The following RXFP2 variants were observed in gnomAD, a reference collection of about 807,000 sequenced individuals.
RXFP2 encodes the protein relaxin family peptide receptor 2, also known as relaxin receptor 2.
Under a neutral mutation model 88.6 loss-of-function variants are expected in RXFP2, and 68 were observed. That is an observed-to-expected ratio of 0.77 (90% CI 0.63 to 0.94). The LOEUF is 0.94. Ranked by LOEUF, RXFP2 falls within the 40% of genes least tolerant of loss-of-function variation. The pLI is 0.00. For synonymous variants in RXFP2, 329 were observed against 306.8 expected (o/e 1.07, Z -0.76); for missense variants, 791 against 893.9 (o/e 0.88, Z 1.47).
chr13:31,754,119 A>G (rs1460777361), intron 1 of RXFP2, among the ~76,000 whole-genome samples: 2 of 152,158 alleles, frequency 1.3e-5, no homozygotes, highest in Non-Finnish European at 2.9e-5. Flanking sequence ...TCTTTTTTCT[A>G]GGGAAAAGGA....
intron 1 of RXFP2, among the ~76,000 whole-genome samples, chr13:31,752,145 T>A (rs1439382140): frequency 6.6e-6 from 1 of 152,126 alleles, no homozygotes; most frequent in Non-Finnish European, 1.5e-5. Flanking sequence ...AGTTTGAAAT[T>A]CTCTTTTTTT....
intron 1 of RXFP2, among the ~76,000 whole-genome samples, chr13:31,745,611 C>G (rs557421688): frequency 6.6e-6 from 1 of 152,202 alleles, no homozygotes; most frequent in Non-Finnish European, 1.5e-5. Flanking sequence ...AGTCCCGGCT[C>G]CCTGCAGAAC....
At chr13:31,800,239 A>G (rs1874267896) in intron 17 of RXFP2, among the ~76,000 whole-genome samples, 1 of 152,184 alleles carries the variant, frequency 6.6e-6, no homozygotes, top group Admixed American at 6.5e-5. Context: ...CACTGACAGT[A>G]CCTGGGGTCA....
chr13:31,777,554 A>C (rs752593498), intron 8 of RXFP2, 107 bp downstream of exon 8: 23 of 798,816 alleles, frequency 2.9e-5, no homozygotes, highest in Non-Finnish European at 4.6e-5. Context: ...AAAAATTTTT[A>C]TTAGTCAAAA....
intron 11 of RXFP2, among the ~76,000 whole-genome samples, chr13:31,784,084 C>T (rs983658505): frequency 1.3e-5 from 2 of 151,362 alleles, no homozygotes; most frequent in African/African-American, 4.9e-5. Flanking sequence ...GCCTCAGCCT[C>T]CCAAAATGCT....
intron 1 of RXFP2, among the ~76,000 whole-genome samples, chr13:31,752,733 C>T (rs1346991517): frequency 2.0e-5 from 3 of 152,146 alleles, no homozygotes; most frequent in Admixed American, 6.5e-5. Context: ...GCCAGGTGCA[C>T]TCCGCTGATG....
At chr13:31,762,360 G>A (rs1194469028) in intron 3 of RXFP2, among the ~76,000 whole-genome samples, 4 of 152,218 alleles carry the variant, frequency 2.6e-5, no homozygotes, top group African/African-American at 7.2e-5. Context: ...GATATGAGGT[G>A]ACAGGATGAG....
At chr13:31,771,163 T>C (rs2138424327) in intron 5 of RXFP2, among the ~76,000 whole-genome samples, 1 of 152,350 alleles carries the variant, frequency 6.6e-6, no homozygotes. Flanking sequence ...ATATGTGTTT[T>C]AGACTGTATT....
intron 2 of RXFP2, 122 bp downstream of exon 2, chr13:31,758,526 C>CA: frequency 3.6e-6 from 4 of 1,108,750 alleles, no homozygotes; most frequent in Non-Finnish European, 5.3e-6. Context: ...TAGGGATTTC[C>CA]TTTGAAACAC....
chr13:31,778,711 C>A, intron 9 of RXFP2, 128 bp downstream of exon 9: 1 of 789,710 alleles, frequency 1.3e-6, no homozygotes, highest in South Asian at 1.4e-5. Flanking sequence ...GATCATATTA[C>A]CTTCCCAGTT....
intron 11 of RXFP2, among the ~76,000 whole-genome samples, chr13:31,784,983 C>T (rs1873458523): frequency 6.6e-6 from 1 of 152,202 alleles, no homozygotes; most frequent in African/African-American, 2.4e-5. Context: ...AATAATCATT[C>T]CATAACCCGG....
intron 6 of RXFP2, 136 bp from the exon 7 acceptor site, chr13:31,775,182 C>A: frequency 1.3e-6 from 1 of 755,576 alleles, no homozygotes; most frequent in Admixed American, 2.0e-5. Flanking sequence ...AATTTGCCCC[C>A]TCTGCTCATT....
At chr13:31,744,780 G>A (rs1871345144) in intron 1 of RXFP2, among the ~76,000 whole-genome samples, 1 of 151,568 alleles carries the variant, frequency 6.6e-6, no homozygotes, top group East Asian at 1.9e-4. Context: ...AAAGCTGTCT[G>A]TTTGGGGTTT....
intron 11 of RXFP2, among the ~76,000 whole-genome samples, chr13:31,783,360 G>A (rs1357722321): frequency 6.6e-6 from 1 of 152,080 alleles, no homozygotes; most frequent in South Asian, 2.1e-4. Flanking sequence ...GTGTATCAGT[G>A]GAAGTTAAAA....
At chr13:31,777,906 A>G (rs751774924) in intron 8 of RXFP2, among the ~76,000 whole-genome samples, 2 of 152,184 alleles carry the variant, frequency 1.3e-5, no homozygotes, top group Non-Finnish European at 2.9e-5. Context: ...TAATATTTTC[A>G]CTGTTTATTA....
At chr13:31,742,464 C>A (rs1871257225) in intron 1 of RXFP2, among the ~76,000 whole-genome samples, 1 of 152,194 alleles carries the variant, frequency 6.6e-6, no homozygotes, top group Non-Finnish European at 1.5e-5. Context: ...GGCCAGTCAT[C>A]CCGAAGACTG....
intron 17 of RXFP2, among the ~76,000 whole-genome samples, 163 bp from the exon 18 acceptor site, chr13:31,801,983 A>C (rs2138475987): frequency 6.6e-6 from 1 of 152,354 alleles, no homozygotes; most frequent in South Asian, 2.1e-4. Context: ...CCTTGAATTC[A>C]TAGCTTCTGT....
At chr13:31,774,920 C>A (rs1872878046) in intron 6 of RXFP2, among the ~76,000 whole-genome samples, 1 of 152,166 alleles carries the variant, frequency 6.6e-6, no homozygotes, top group Admixed American at 6.5e-5. Flanking sequence ...TGGGTCACTT[C>A]CACAATATTT....
intron 3 of RXFP2, 47 bp from the exon 4 acceptor site, chr13:31,764,990 T>C: frequency 1.0e-6 from 1 of 992,872 alleles, no homozygotes; most frequent in East Asian, 2.4e-5. Context: ...AAGTCATAAT[T>C]AATGTATTTG....
Sources: gnomAD v4.1 joint callset for allele counts (sites outside exome capture counted in the v4.1 genomes callset) on GRCh38, gnomAD v4.1.1 for gene constraint, MANE v1.5 for transcripts, NCBI Gene and HGNC (gene_info 2026-07-23, HGNC 2026-07-21) for gene names.